Variants in CD46 observed in about 807,000 individuals in gnomAD.
CD46 encodes the protein membrane cofactor protein.
CD46 carries 30 observed loss-of-function variants against 53.3 expected under a neutral mutation model. The ratio of observed to expected loss-of-function variants is 0.56; its 90% confidence interval spans 0.42 to 0.76. The LOEUF (loss-of-function observed/expected upper bound fraction) is 0.76, where lower values mean the gene tolerates loss of function less well. CD46 is among the 30% of genes least tolerant of loss of function. CD46 has a pLI of 0.00. For missense variants in CD46, 409 were observed against 463.0 expected (o/e 0.88, Z 1.07); for synonymous variants, 142 against 152.0 (o/e 0.93, Z 0.48).
In CD46 at chr1:207,752,454, G is replaced by T. The variant is rs1048304288; in HGVS notation, c.97+145G>T. 17 of 807,152 alleles carry T rather than the reference G, an allele frequency of 2.1e-5. No individual in the cohort carries two copies. Among genetic ancestry groups the T allele is most frequent in the South Asian group, 5.5e-5 (4 of 73,106 alleles). 50.0% of individuals were successfully genotyped at this position (807,152 alleles called of 1,614,324 possible). A position where few individuals can be genotyped will look rare whatever the true frequency, so the allele number is the denominator to read the frequency against. On this transcript the variant is annotated intron_variant, in intron 1 of 12. Transcript: ENST00000367042. This position sits in a 1 kb window ranked among gnomAD's most constrained non-coding sequence, Gnocchi z 4.1. ...GGGGTGCAGTGCTCAGATCCCGGGG[G>T]TATGTGGCGGGGAATGCGGGGACCA...
At chr1:207,759,118 A>G (rs1480015920) in intron 3 of CD46, among the ~76,000 whole-genome samples, 5 of 152,230 alleles carry the variant, frequency 3.3e-5, no homozygotes, top group Non-Finnish European at 4.4e-5. Context: ...ATGTAGCACT[A>G]TCTATGTGCC....
intron 5 of CD46, chr1:207,763,061 G>GT (rs1310565842): frequency 2.0e-5 from 3 of 152,418 alleles, no homozygotes; most frequent in African/African-American, 7.2e-5. Context: ...AAAAACCCCA[G>GT]TTTGCATGGA....
intron 1 of CD46, among the ~76,000 whole-genome samples, chr1:207,756,047 G>A (rs1191295077): frequency 6.6e-6 from 1 of 152,188 alleles, no homozygotes; most frequent in African/African-American, 2.4e-5. Flanking sequence ...AGGGGAAGGT[G>A]ACTGATCACT....
chr1:207,772,625 G>A (rs2488257), intron 8 of CD46, among the ~76,000 whole-genome samples: 91,838 of 152,018 alleles, frequency 0.6, 28,075 homozygotes, highest in East Asian at 0.87. Context: ...GTTGAATTTT[G>A]TCAAAGGCCT....
chr1:207,780,407 C>T (rs961683586), intron 8 of CD46, among the ~76,000 whole-genome samples: 2 of 152,032 alleles, frequency 1.3e-5, no homozygotes, highest in East Asian at 3.9e-4. Flanking sequence ...AATAATAGTT[C>T]GTTATATGTA....
At chr1:207,786,931 A>G (rs576288355) in intron 11 of CD46, among the ~76,000 whole-genome samples, 2 of 152,242 alleles carry the variant, frequency 1.3e-5, no homozygotes, top group Admixed American at 6.5e-5. Context: ...CGTAGAAACA[A>G]GTTCTAAAGA....
At chr1:207,763,663 C>T (rs1440013247) in intron 5 of CD46, among the ~76,000 whole-genome samples, 2 of 151,912 alleles carry the variant, frequency 1.3e-5, no homozygotes, top group African/African-American at 4.8e-5. Flanking sequence ...TTAGTTTTAT[C>T]TCTGAATATT....
At chr1:207,785,011 G>T in intron 9 of CD46, 60 bp from the exon 10 acceptor site, 1 of 1,406,712 alleles carries the variant, frequency 7.1e-7, no homozygotes, top group South Asian at 1.2e-5. Context: ...TGATCTGATT[G>T]AAATAAATGC....
Position 207,785,071 on chromosome 1 carries a change from A to T in CD46, c.983A>T (p.Asp328Val). 6.2e-7 allele frequency: 1 copy of T among 1,612,676 alleles called. No individual in the cohort carries two copies. The highest frequency in any genetic ancestry group is 1.7e-4 in the Middle Eastern group (1 of 6,056). ...KPEEGILDSL[D>V]VWVIAVIVIA... ...ATCTTGGAACTGTTTTCTTTCTCAGATGTTTGGGTCATTGCTGTGATTGTT... is the reference window on the plus strand; with the variant it reads ...ATCTTGGAACTGTTTTCTTTCTCAGTTGTTTGGGTCATTGCTGTGATTGTT... The change falls in exon 10 of 13, where the codon GAT becomes GTT. Residue 328 changes from aspartate (D) to valine (V), a missense_variant and splice_region_variant. Coordinates refer to ENST00000367042, the MANE Select transcript of CD46 (RefSeq NM_172351.3).
intron 12 of CD46, 54 bp from the exon 13 acceptor site, chr1:207,793,465 T>C (rs1173146374): frequency 7.3e-7 from 1 of 1,370,842 alleles, no homozygotes; most frequent in African/African-American, 1.4e-5. Flanking sequence ...GGAATTTAAT[T>C]TCTGTACTTA....
chr1:207,753,022 G>T (rs1437652051), intron 1 of CD46, among the ~76,000 whole-genome samples: 1 of 150,116 alleles, frequency 6.7e-6, no homozygotes, highest in Non-Finnish European at 1.5e-5. Flanking sequence ...TGCCTTCTGT[G>T]AACAGTCTCC....
At chr1:207,773,211 G>A (rs997228046) in intron 8 of CD46, among the ~76,000 whole-genome samples, 1 of 152,088 alleles carries the variant, frequency 6.6e-6, no homozygotes, top group Non-Finnish European at 1.5e-5. Context: ...ATTCTCTGAT[G>A]GTAGTTTGTA....
intron 12 of CD46, among the ~76,000 whole-genome samples, chr1:207,792,714 A>C (rs1659915209): frequency 6.6e-6 from 1 of 152,202 alleles, no homozygotes; most frequent in African/African-American, 2.4e-5. Context: ...CAATTTACTA[A>C]GGCAGGGAGG....
intron 8 of CD46, among the ~76,000 whole-genome samples, chr1:207,776,446 G>A (rs1367564725): frequency 6.6e-6 from 1 of 152,178 alleles, no homozygotes; most frequent in Non-Finnish European, 1.5e-5. Context: ...CATCTATCTC[G>A]CTGGAGCTGC....
chr1:207,786,039 A>G (rs1388917504), intron 11 of CD46: 1 of 221,614 alleles, frequency 4.5e-6, no homozygotes, highest in Non-Finnish European at 9.1e-6. Context: ...AATTAAATTT[A>G]AAGTATTTCA....
chr1:207,752,339 G>A lies in CD46; in HGVS notation c.97+30G>A. The stretch of plus-strand genomic sequence containing the variant: ...GACCCCGGGGCGGGTTCGCGCGTCC[G>A]CGGCGAGACTAGAGCTCTCCTCAGT... On this transcript the variant is annotated intron_variant, in intron 1 of 12. Transcript: ENST00000367042. The surrounding 1 kb of genome is among the most constrained non-coding windows in gnomAD (Gnocchi z 4.1). 3 of 1,595,032 alleles carry A rather than the reference G, an allele frequency of 1.9e-6. No homozygotes were observed. The highest frequency in any genetic ancestry group is 1.7e-6 in the Non-Finnish European group (2 of 1,163,070).
chr1:207,757,187 G>T lies in CD46; in HGVS notation c.271G>T (p.Asp91Tyr). ...DRNHTWLPVS[D>Y]DACYRETCPY... ...GAATCATACATGGCTACCTGTCTCA[G>T]ATGACGCCTGTTATAGTAAGTAAAC... Residue 91 changes from aspartate (D) to tyrosine (Y), a missense_variant, in exon 2 of 13, where the codon GAT becomes TAT. Asp to Tyr is a radical substitution (Grantham distance 160, BLOSUM62 -3). Coordinates refer to ENST00000367042, the MANE Select transcript of CD46 (RefSeq NM_172351.3). 6.2e-7 allele frequency: 1 copy of T among 1,613,356 alleles called. No homozygotes were observed. The highest frequency in any genetic ancestry group is 1.1e-5 in the South Asian group (1 of 91,066).
At chr1:207,774,201 G>A (rs2102631601) in intron 8 of CD46, among the ~76,000 whole-genome samples, 1 of 143,004 alleles carries the variant, frequency 7.0e-6, no homozygotes, top group East Asian at 1.9e-4. Context: ...AACTAGAATT[G>A]CAACCCCTTT....
In CD46 at chr1:207,793,745, T is replaced by A; in HGVS notation, c.*268T>A. On this transcript the variant is annotated 3_prime_UTR_variant, in exon 13 of 13. Transcript: ENST00000367042. ...GTAGGTAGCATCCTTTGATGCTTCT[T>A]TGAAACTTGTATGAATTTGGGTATG... The A allele has an allele frequency of 1.4e-6, 1 of 716,708 alleles. No homozygotes were observed. The highest frequency in any genetic ancestry group is 2.6e-6 in the Non-Finnish European group (1 of 390,320). The allele number at this position is 716,708 out of a possible 1,614,324, so 44.4% of individuals were successfully genotyped here.
Sources: allele counts gnomAD v4.1 joint callset (sites outside exome capture counted in the v4.1 genomes callset), GRCh38; gene constraint gnomAD v4.1.1; non-coding constraint Gnocchi (gnomAD v3.1); transcripts MANE v1.5; gene names NCBI Gene and HGNC (gene_info 2026-07-23, HGNC 2026-07-21).